The following PKNOX2 variants were observed in gnomAD, a reference collection of about 807,000 sequenced individuals.
PKNOX2 encodes PBX/knotted 1 homeobox 2, also known as homeobox protein PKNOX2.
PKNOX2 carries 14 observed loss-of-function variants against 53.1 expected under a neutral mutation model. The ratio of observed to expected loss-of-function variants is 0.26; its 90% CI spans 0.17 to 0.41. The LOEUF (loss-of-function observed/expected upper bound fraction) is 0.41. PKNOX2 is among the 10% of genes least tolerant of loss of function. The pLI is 1.00. For missense variants in PKNOX2, 496 were observed against 602.8 expected (o/e 0.82, Z 1.85); for synonymous variants, 257 against 242.8 (o/e 1.06, Z -0.54).
At chr11:125,194,297 C>T (rs1420761107) in intron 1 of PKNOX2, among the ~76,000 whole-genome samples, 2 of 152,228 alleles carry the variant, frequency 1.3e-5, no homozygotes, top group African/African-American at 2.4e-5. Flanking sequence ...GGCCGGCTCC[C>T]ATTGCGGCCT....
At position 125,237,889 on chromosome 11, in the gene PKNOX2, C is replaced by T. The variant is rs7115459; in HGVS notation, c.-130+2774C>T. ...ATCCAGGGCTCCCTGGACCTCCATCCCCATGGACTTCTAAGCTGGGGTAGG... is the reference window on the plus strand; with the variant it reads ...ATCCAGGGCTCCCTGGACCTCCATCTCCATGGACTTCTAAGCTGGGGTAGG... On this transcript the variant is annotated intron_variant, in intron 2 of 12. Coordinates refer to ENST00000298282, the MANE Select transcript of PKNOX2 (RefSeq NM_001382323.2). 4.9e-3 allele frequency among the ~76,000 whole-genome samples: 749 copies of T among 152,240 alleles called. 7 individuals carry two copies. The highest frequency in any genetic ancestry group is 0.016 in the African/African-American group (667 of 41,536).
At chr11:125,398,748 C>G (rs371357537) in intron 7 of PKNOX2, among the ~76,000 whole-genome samples, 1 of 152,208 alleles carries the variant, frequency 6.6e-6, no homozygotes, top group Non-Finnish European at 1.5e-5. Flanking sequence ...ACCTACAAAC[C>G]GAGAAAGCTG....
At chr11:125,221,170 A>C (rs1164808608) in intron 1 of PKNOX2, among the ~76,000 whole-genome samples, 12 of 151,984 alleles carry the variant, frequency 7.9e-5, no homozygotes, top group Non-Finnish European at 4.4e-5. Flanking sequence ...AAACAAAACA[A>C]AAATTGTCAC....
At chr11:125,242,135 T>C (rs534975033) in intron 2 of PKNOX2, among the ~76,000 whole-genome samples, 44 of 152,300 alleles carry the variant, frequency 2.9e-4, no homozygotes, top group African/African-American at 1.0e-3. Flanking sequence ...TCCCCGTCTA[T>C]GTGGGGGCCC....
intron 2 of PKNOX2, among the ~76,000 whole-genome samples, chr11:125,253,871 C>T (rs1455178352): frequency 6.6e-6 from 1 of 152,130 alleles, no homozygotes; most frequent in African/African-American, 2.4e-5. Flanking sequence ...CTCAGCTCTT[C>T]CCAGGGACCC....
At chr11:125,223,057 C>A (rs1591486422) in intron 1 of PKNOX2, among the ~76,000 whole-genome samples, 1 of 152,124 alleles carries the variant, frequency 6.6e-6, no homozygotes, top group East Asian at 1.9e-4. Flanking sequence ...TTCAAGTACC[C>A]TGAGGATGTT....
At chr11:125,272,543 A>G (rs1196152463) in intron 2 of PKNOX2, among the ~76,000 whole-genome samples, 1 of 151,820 alleles carries the variant, frequency 6.6e-6, no homozygotes, top group Non-Finnish European at 1.5e-5. Flanking sequence ...TTGACTTTCC[A>G]TTTCCTTCCG....
At chr11:125,261,279 A>T (rs924479977) in intron 2 of PKNOX2, among the ~76,000 whole-genome samples, 2 of 152,284 alleles carry the variant, frequency 1.3e-5, no homozygotes, top group African/African-American at 4.8e-5. Context: ...TCCAAAGAGG[A>T]GAAACAGAGA....
chr11:125,166,394 G>A lies in PKNOX2; in HGVS notation c.-201+1618G>A, dbSNP rs1455675816. ...CTGAAAGTGTTTCTTTAGGAGGAGAGGACTTGGGCCACACAGGACCCGGTC... is the reference window on the plus strand; with the variant it reads ...CTGAAAGTGTTTCTTTAGGAGGAGAAGACTTGGGCCACACAGGACCCGGTC... On this transcript the variant is annotated intron_variant, in intron 1 of 12. Coordinates refer to ENST00000298282, the MANE Select transcript of PKNOX2 (RefSeq NM_001382323.2). This position sits in a 1 kb window ranked among gnomAD's most constrained non-coding sequence, Gnocchi z 4.0. Among the ~76,000 whole-genome samples the A allele has an allele frequency of 6.6e-6, 1 of 152,196 alleles. No homozygotes were observed. The highest frequency in any genetic ancestry group is 1.5e-5 in the Non-Finnish European group (1 of 68,034).
In PKNOX2 at chr11:125,338,439, T is replaced by C. The variant is rs78045608; in HGVS notation, c.-23+6514T>C. Among the ~76,000 whole-genome samples the C allele has an allele frequency of 9.6e-3, 1,464 of 152,060 alleles. 33 individuals are homozygous for C. The highest frequency in any genetic ancestry group is 0.033 in the African/African-American group (1,370 of 41,480). On this transcript the variant is annotated intron_variant, in intron 3 of 12. Coordinates refer to ENST00000298282, the MANE Select transcript of PKNOX2 (RefSeq NM_001382323.2). Reference sequence around the variant, plus strand: ...CGAGGGGGGCTGAAGACAGCAAGGATCGTCCCCAGCCCCAGGCAAACTTGT... The same window carrying C: ...CGAGGGGGGCTGAAGACAGCAAGGACCGTCCCCAGCCCCAGGCAAACTTGT...
chr11:125,311,802 T>C (rs1013162460), intron 2 of PKNOX2, among the ~76,000 whole-genome samples: 2 of 152,126 alleles, frequency 1.3e-5, no homozygotes, highest in African/African-American at 4.8e-5. Flanking sequence ...CATCAGCACC[T>C]CCTCCAAGCC....
intron 4 of PKNOX2, among the ~76,000 whole-genome samples, chr11:125,360,175 A>C (rs1460097263): frequency 6.6e-6 from 1 of 151,518 alleles, no homozygotes; most frequent in Non-Finnish European, 1.5e-5. Context: ...AAGGAAAAAA[A>C]GGAGTGTCTG....
chr11:125,397,827 G>A, intron 6 of PKNOX2, 47 bp from the exon 7 acceptor site: 1 of 1,552,908 alleles, frequency 6.4e-7, no homozygotes, highest in Non-Finnish European at 8.7e-7. Context: ...GGCAGTGAGG[G>A]AAATGGGATG....
rs1028315079 is a variant in PKNOX2 at position 125,224,420 on chromosome 11, G to A, written c.-200-10625G>A. ...CTCGGAGGAGCCATGCGCAGGTGAG[G>A]CAGGCAGATGGCCGTGCAGTCAGGG... On this transcript the variant is annotated intron_variant, in intron 1 of 12. Transcript: ENST00000298282. 1.3e-5 allele frequency among the ~76,000 whole-genome samples: 2 copies of A among 152,214 alleles called. 1 individual carries two copies. The highest frequency in any genetic ancestry group is 2.9e-5 in the Non-Finnish European group (2 of 68,030).
At chr11:125,331,272 A>G (rs1378598668) in intron 2 of PKNOX2, among the ~76,000 whole-genome samples, 2 of 152,220 alleles carry the variant, frequency 1.3e-5, no homozygotes, top group Non-Finnish European at 2.9e-5. Context: ...CTTTACTGCT[A>G]AGTGCTGCTT....
intron 1 of PKNOX2, among the ~76,000 whole-genome samples, chr11:125,226,520 A>T (rs536527094): frequency 6.6e-6 from 1 of 152,284 alleles, no homozygotes; most frequent in Non-Finnish European, 1.5e-5. Context: ...TCATAACACT[A>T]TGAGGACAAG....
intron 2 of PKNOX2, among the ~76,000 whole-genome samples, chr11:125,271,915 A>G (rs1945820278): frequency 6.6e-6 from 1 of 152,230 alleles, no homozygotes. Flanking sequence ...CAGATGCATC[A>G]TCGAGTCCCT....
chr11:125,167,834 C>G (rs1458650922), intron 1 of PKNOX2, among the ~76,000 whole-genome samples: 7 of 152,132 alleles, frequency 4.6e-5, no homozygotes, highest in Admixed American at 4.6e-4. Context: ...TTGCTGGATC[C>G]CACATGGCAG....
At chr11:125,414,260 A>G (rs1379672971) in intron 10 of PKNOX2, among the ~76,000 whole-genome samples, 1 of 152,206 alleles carries the variant, frequency 6.6e-6, no homozygotes, top group African/African-American at 2.4e-5. Flanking sequence ...CACCAGGGAT[A>G]GGGTAGAGGA....
Sources: allele counts gnomAD v4.1 joint callset (sites outside exome capture counted in the v4.1 genomes callset), GRCh38; gene constraint gnomAD v4.1.1; non-coding constraint Gnocchi (gnomAD v3.1); transcripts MANE v1.5; gene names NCBI Gene and HGNC (gene_info 2026-07-23, HGNC 2026-07-21).